Variants in RERGL observed in about 807,000 individuals in gnomAD.
RERGL encodes RERG like, also known as ras-related and estrogen-regulated growth inhibitor-like protein.
In RERGL, 22 loss-of-function variants were observed where a neutral mutation model predicts 24.7. That is an observed-to-expected ratio of 0.89 (90% CI 0.64 to 1.27). The LOEUF is 1.27. RERGL is among the 50% of genes most tolerant of loss of function. The pLI is 0.00. For missense variants in RERGL, 259 were observed against 235.3 expected, an observed-to-expected ratio of 1.10 and a Z score of -0.66; for synonymous variants, 76 against 82.6, an observed-to-expected ratio of 0.92 and a Z score of 0.43.
rs1423524286 is a variant in RERGL at position 18,088,972 on chromosome 12, T to A, written c.53-16A>T. ...ACTGTAAGGGCTGCAAAGCAAACAA[T>A]CTAGATTTAGGGCTGTTATATTTTA... is the stretch of plus-strand genomic sequence containing the variant. On this transcript the variant is annotated splice_polypyrimidine_tract_variant and intron_variant, in intron 1 of 4. Coordinates refer to ENST00000538724, the MANE Select transcript of RERGL (RefSeq NM_001286201.2). The A allele has an allele frequency of 8.7e-6, 14 of 1,600,484 alleles. 1 individual carries two copies. The East Asian group carries it at 3.1e-4, about 36-fold the overall frequency.
At chr12:18,082,981 G>A (rs10743256) in intron 4 of RERGL, among the ~76,000 whole-genome samples, 67,523 of 151,838 alleles carry the variant, frequency 0.44, 15,361 homozygotes, top group East Asian at 0.6. Context: ...CACTGCAAAT[G>A]TATCTACTAT....
At chr12:18,083,591 GCTTA>G (rs764071779) in intron 4 of RERGL, among the ~76,000 whole-genome samples, 16 of 151,986 alleles carry the variant, frequency 1.1e-4, no homozygotes, top group Non-Finnish European at 2.4e-4. Context: ...GATTAAAGTG[GCTTA>G]CTTAAGGCAA....
chr12:18,081,447 AC>A lies in RERGL; in HGVS notation c.358del (p.Val120LeufsTer43). On this transcript the variant is annotated frameshift_variant, in exon 5 of 5. Transcript: ENST00000538724. LOFTEE classifies it high-confidence loss of function. ...KRAVESAVFL[V>X]GNKRDLCHVR... is the part of the protein sequence containing the mutation. ...ATGACAAAGATCTCGTTTGTTGCCA[AC>A]CAAAAACACTGCTGATTCCACAGCT... 6.2e-7 allele frequency: 1 copy of A among 1,612,012 alleles called. No homozygotes were observed. Among genetic ancestry groups the A allele is most frequent in the Non-Finnish European group, 8.5e-7 (1 of 1,178,426 alleles).
intron 1 of RERGL, 107 bp downstream of exon 1, chr12:18,089,982 T>A (rs933226689): frequency 1.4e-6 from 1 of 723,484 alleles, no homozygotes; most frequent in Non-Finnish European, 2.0e-6. Flanking sequence ...TATAGATATA[T>A]TTTCATATAT....
intron 4 of RERGL, among the ~76,000 whole-genome samples, chr12:18,082,485 T>C (rs1306392435): frequency 1.3e-5 from 2 of 152,040 alleles, no homozygotes; most frequent in African/African-American, 4.8e-5. Context: ...GAACCTAAAT[T>C]CAAAGTTTTA....
chr12:18,081,579 A>G (rs28692753), intron 4 of RERGL, 106 bp from the exon 5 acceptor site: 1 of 1,080,814 alleles, frequency 9.3e-7, no homozygotes, highest in Non-Finnish European at 1.3e-6. Context: ...ATCAAAAAAG[A>G]AAAAATATTG....
intron 4 of RERGL, among the ~76,000 whole-genome samples, chr12:18,083,046 C>A (rs1384241543): frequency 6.6e-6 from 1 of 152,044 alleles, no homozygotes; most frequent in Admixed American, 6.6e-5. Context: ...GCCCTGATTC[C>A]ACTAAAAGTT....
chr12:18,089,014 G>T, intron 1 of RERGL, 58 bp from the exon 2 acceptor site: 1 of 1,401,744 alleles, frequency 7.1e-7, no homozygotes, highest in Non-Finnish European at 1.0e-6. Flanking sequence ...AGCTAATTTG[G>T]TTATGTGCAT....
intron 4 of RERGL, among the ~76,000 whole-genome samples, chr12:18,082,955 T>A (rs1947187230): frequency 6.6e-6 from 1 of 152,108 alleles, no homozygotes; most frequent in Non-Finnish European, 1.5e-5. Flanking sequence ...ATCACTAGGC[T>A]TTAAATGGCA....
intron 2 of RERGL, among the ~76,000 whole-genome samples, chr12:18,086,869 A>C (rs1414268608): frequency 6.6e-6 from 1 of 151,928 alleles, no homozygotes; most frequent in Admixed American, 6.6e-5. Flanking sequence ...ACCTTAACAC[A>C]CTTCAAGCTG....
At chr12:18,085,057 C>A (rs905734019) in intron 3 of RERGL, among the ~76,000 whole-genome samples, 8 of 151,924 alleles carry the variant, frequency 5.3e-5, no homozygotes, top group African/African-American at 1.2e-4. Context: ...CAATAAAAAT[C>A]AAAAATATTA....
intron 1 of RERGL, chr12:18,089,463 A>C (rs1336199941): frequency 2.0e-6 from 2 of 982,028 alleles, no homozygotes; most frequent in Non-Finnish European, 2.7e-6. Flanking sequence ...GCCAGTTAAG[A>C]TGCTATGATT....
intron 2 of RERGL, among the ~76,000 whole-genome samples, chr12:18,086,070 T>G (rs1947219401): frequency 6.7e-6 from 1 of 149,270 alleles, no homozygotes; most frequent in African/African-American, 2.5e-5. Flanking sequence ...AGACGGGGTT[T>G]CACCGTGTTA....
At chr12:18,089,326 T>C (rs764141725) in intron 1 of RERGL, 2 of 1,558,628 alleles carry the variant, frequency 1.3e-6, no homozygotes, top group South Asian at 2.4e-5. Flanking sequence ...TTCAAGGTAC[T>C]ATGTGTAATA....
intron 2 of RERGL, among the ~76,000 whole-genome samples, 166 bp from the exon 3 acceptor site, chr12:18,085,859 T>C (rs1200550055): frequency 9.5e-6 from 1 of 104,796 alleles, no homozygotes; most frequent in Non-Finnish European, 2.0e-5. Context: ...TTTTTTTTTT[T>C]TTTTTTTTTT....
intron 4 of RERGL, among the ~76,000 whole-genome samples, chr12:18,083,548 A>G (rs1417718192): frequency 2.6e-5 from 4 of 152,126 alleles, no homozygotes. Flanking sequence ...TCCTGCTTCC[A>G]CCAGTTAAAT....
At position 18,085,682 on chromosome 12, in the gene RERGL, TATAG is replaced by T. The variant is rs367672198; in HGVS notation, c.117_120del (p.Tyr40ArgfsTer11). ...TTCCTTTCCAAACACAAGTGCTTCTTATAGATAGATTCTGCAAAAATATGCATAT... is the reference window on the plus strand; with the variant it reads ...TTCCTTTCCAAACACAAGTGCTTCTTATAGATTCTGCAAAAATATGCATAT... On this transcript the variant is annotated frameshift_variant, in exon 3 of 5. Coordinates refer to ENST00000538724, the MANE Select transcript of RERGL (RefSeq NM_001286201.2). LOFTEE classifies it high-confidence loss of function. The T allele has an allele frequency of 6.6e-4, 1,059 of 1,595,318 alleles. 8 individuals are homozygous for T. The African/African-American group carries it at 0.012, about 19-fold the overall frequency.
At chr12:18,083,109 CT>C (rs1947188671) in intron 4 of RERGL, among the ~76,000 whole-genome samples, 1 of 151,776 alleles carries the variant, frequency 6.6e-6, no homozygotes, top group South Asian at 2.1e-4. Flanking sequence ...TTGCTAAGGT[CT>C]TTTTTTAGTC....
At chr12:18,083,009 C>T (rs1947187772) in intron 4 of RERGL, among the ~76,000 whole-genome samples, 1 of 152,002 alleles carries the variant, frequency 6.6e-6, no homozygotes, top group South Asian at 2.1e-4. Flanking sequence ...AAAATGGGTG[C>T]ACACAGTCAG....
Sources: allele counts gnomAD v4.1 joint callset (sites outside exome capture counted in the v4.1 genomes callset), GRCh38; gene constraint gnomAD v4.1.1; transcripts MANE v1.5; gene names NCBI Gene and HGNC (gene_info 2026-07-23, HGNC 2026-07-21).